The following CSMD1 variants were observed in gnomAD, a reference collection of about 807,000 sequenced individuals.
CSMD1 encodes the protein CUB and sushi domain-containing protein 1.
CSMD1 carries 213 observed loss-of-function variants against 417.5 expected under a neutral mutation model. The ratio of observed to expected loss-of-function variants is 0.51; its 90% CI spans 0.46 to 0.57. CSMD1 has a LOEUF of 0.57. Among genes scored for constraint, CSMD1 ranks in the 20% least tolerant of loss-of-function variants. CSMD1 has a pLI of 0.00. For synonymous variants in CSMD1, 2,862 were observed against 1,736.8 expected, an observed-to-expected ratio of 1.65 and a Z score of -16.11; for missense variants, 6,923 against 4,529.7, an observed-to-expected ratio of 1.53 and a Z score of -15.17.
chr8:3,108,449 G>A lies in CSMD1; in HGVS notation c.6754+154C>T, dbSNP rs576348975. 2.0e-5 allele frequency among the ~76,000 whole-genome samples: 3 copies of A among 152,204 alleles called. No individual in the cohort carries two copies. The South Asian group carries it at 6.2e-4, about 32-fold the overall frequency. On this transcript the variant is annotated intron_variant, in intron 44 of 69. Transcript: ENST00000635120. ...ATAAAGACATCATTAAACAAAAAAA[G>A]GACCACAGGAAACGCTGGCCTCCAG...
At chr8:3,832,376 G>A (rs1802427366) in intron 5 of CSMD1, among the ~76,000 whole-genome samples, 1 of 152,020 alleles carries the variant, frequency 6.6e-6, no homozygotes, top group African/African-American at 2.4e-5. Flanking sequence ...AGTTTTTTCT[G>A]GTGACATTTT....
At chr8:4,739,325 G>A (rs1323247774) in intron 1 of CSMD1, among the ~76,000 whole-genome samples, 1 of 152,154 alleles carries the variant, frequency 6.6e-6, no homozygotes, top group South Asian at 2.1e-4. Flanking sequence ...GACAGAACTA[G>A]ATATTTTATG....
At chr8:4,290,990 T>C (rs537798911) in intron 3 of CSMD1, among the ~76,000 whole-genome samples, 3 of 152,172 alleles carry the variant, frequency 2.0e-5, no homozygotes, top group Non-Finnish European at 4.4e-5. Context: ...TAAATTGTAT[T>C]TGTTAAATGT....
chr8:3,666,738 C>A (rs1395033476), intron 7 of CSMD1, among the ~76,000 whole-genome samples: 2 of 152,222 alleles, frequency 1.3e-5, no homozygotes, highest in African/African-American at 2.4e-5. Context: ...GCTTGGCTCT[C>A]ATTCTGTCTT....
chr8:4,139,600 G>C (rs1050938351), intron 3 of CSMD1, among the ~76,000 whole-genome samples: 2 of 151,170 alleles, frequency 1.3e-5, no homozygotes, highest in Non-Finnish European at 2.9e-5. Context: ...GGGCATCAAG[G>C]GGACAAGGAG....
At chr8:4,839,556 A>T (rs892563158) in intron 1 of CSMD1, among the ~76,000 whole-genome samples, 8 of 152,212 alleles carry the variant, frequency 5.3e-5, no homozygotes, top group Non-Finnish European at 1.2e-4. Context: ...ATGGACCACT[A>T]AAATGAACAA....
chr8:4,098,488 T>G (rs961211970), intron 3 of CSMD1, among the ~76,000 whole-genome samples: 3 of 152,124 alleles, frequency 2.0e-5, no homozygotes, highest in African/African-American at 7.2e-5. Flanking sequence ...CTAGCTCCTG[T>G]GTTTTAGTTT....
chr8:4,672,212 A>G (rs1180566960), intron 1 of CSMD1, among the ~76,000 whole-genome samples: 3 of 152,186 alleles, frequency 2.0e-5, no homozygotes, highest in Non-Finnish European at 2.9e-5. Flanking sequence ...GGACAATGGC[A>G]GCTGCAGAGA....
chr8:2,982,643 C>T (rs541407264), intron 54 of CSMD1, among the ~76,000 whole-genome samples: 11 of 152,314 alleles, frequency 7.2e-5, no homozygotes, highest in Admixed American at 2.0e-4. Context: ...GCACTATGAC[C>T]GCGGCTCCAC....
chr8:4,893,474 G>C (rs1359887495), intron 1 of CSMD1, among the ~76,000 whole-genome samples: 3 of 151,908 alleles, frequency 2.0e-5, no homozygotes, highest in Admixed American at 6.6e-5. Flanking sequence ...TTGTCTTTAA[G>C]AGCTTCCCAA....
intron 26 of CSMD1, among the ~76,000 whole-genome samples, chr8:3,275,437 G>T (rs2117180739): frequency 1.3e-5 from 2 of 152,192 alleles, no homozygotes; most frequent in Admixed American, 1.3e-4. Context: ...GAGTATCTTT[G>T]TGGCATTCTC....
At position 4,444,261 on chromosome 8, in the gene CSMD1, G is replaced by C. The variant is rs528223859; in HGVS notation, c.303-24196C>G. 2.8e-5 allele frequency among the ~76,000 whole-genome samples: 4 copies of C among 143,512 alleles called. No homozygotes were observed. The East Asian group carries it at 9.0e-4, about 32-fold the overall frequency. The allele number at this position is 143,512 out of a possible 152,430, so 94.1% of individuals were successfully genotyped here. ...GGAGGCTGAGGCAGGAGAATTGCTTGAACCTGGGCTGGGAGGTGGACGTTG... is the reference window on the plus strand; with the variant it reads ...GGAGGCTGAGGCAGGAGAATTGCTTCAACCTGGGCTGGGAGGTGGACGTTG... On this transcript the variant is annotated intron_variant, in intron 2 of 69. Coordinates refer to ENST00000635120, the MANE Select transcript of CSMD1 (RefSeq NM_033225.6).
At chr8:4,340,658 A>G (rs907628678) in intron 3 of CSMD1, among the ~76,000 whole-genome samples, 5 of 152,054 alleles carry the variant, frequency 3.3e-5, no homozygotes, top group South Asian at 2.1e-4. Context: ...GTCGTGAATT[A>G]TATTAACCTA....
chr8:4,506,363 T>C (rs1802527193), intron 2 of CSMD1, among the ~76,000 whole-genome samples: 1 of 151,648 alleles, frequency 6.6e-6, no homozygotes, highest in Admixed American at 6.6e-5. Context: ...CCAGACTCCT[T>C]TTCCATGAGC....
chr8:4,959,959 T>C (rs563936507), intron 1 of CSMD1, among the ~76,000 whole-genome samples: 86 of 152,296 alleles, frequency 5.6e-4, no homozygotes, highest in African/African-American at 1.9e-3. Flanking sequence ...TCCTTAAAAA[T>C]AGGAAAATGT....
Position 3,565,169 on chromosome 8 carries a change from T to C in CSMD1, c.1344+9776A>G, listed in dbSNP as rs1428868132. Among the ~76,000 whole-genome samples, 221 of 41,324 alleles carry C rather than the reference T, an allele frequency of 5.3e-3. 1 individual carries two copies. The highest frequency in any genetic ancestry group is 0.02 in the African/African-American group (217 of 11,108). 27.1% of individuals were successfully genotyped at this position (41,324 alleles called of 152,430 possible). A position where few individuals can be genotyped will look rare whatever the true frequency, so the allele number is the denominator to read the frequency against. Reference sequence around the variant, plus strand: ...AAAAAAAAAAAAAAAAAGAGAGAGATCAAGAAAGAAAGAAAGATACATAGA... The same window carrying C: ...AAAAAAAAAAAAAAAAAGAGAGAGACCAAGAAAGAAAGAAAGATACATAGA... On this transcript the variant is annotated intron_variant, in intron 10 of 69. Coordinates refer to ENST00000635120, the MANE Select transcript of CSMD1 (RefSeq NM_033225.6).
intron 3 of CSMD1, among the ~76,000 whole-genome samples, chr8:4,285,363 G>A (rs755834548): frequency 2.0e-5 from 3 of 152,190 alleles, no homozygotes; most frequent in African/African-American, 4.8e-5. Flanking sequence ...TGAAACTGCA[G>A]CCTTTCTATT....
At chr8:4,049,789 G>A (rs969566411) in intron 3 of CSMD1, among the ~76,000 whole-genome samples, 3 of 152,096 alleles carry the variant, frequency 2.0e-5, no homozygotes, top group Non-Finnish European at 2.9e-5. Flanking sequence ...TTTCCTTACT[G>A]TTAGCATCTT....
chr8:4,122,945 G>T (rs945430106), intron 3 of CSMD1, among the ~76,000 whole-genome samples: 3 of 152,224 alleles, frequency 2.0e-5, no homozygotes, highest in African/African-American at 7.2e-5. Flanking sequence ...CTAGGCTACT[G>T]CAAAGCAGCA....
Sources: gnomAD v4.1 joint callset for allele counts (sites outside exome capture counted in the v4.1 genomes callset) on GRCh38, gnomAD v4.1.1 for gene constraint, MANE v1.5 for transcripts, NCBI Gene and HGNC (gene_info 2026-07-23, HGNC 2026-07-21) for gene names.